The following NSUN6 variants were observed in gnomAD, a reference collection of about 807,000 sequenced individuals.
The protein encoded by NSUN6 is tRNA (cytosine(72)-C(5))-methyltransferase NSUN6.
In NSUN6, 64 loss-of-function variants were observed where a neutral mutation model predicts 58.0. The ratio of observed to expected loss-of-function variants is 1.10; its 90% CI spans 0.90 to 1.36. The LOEUF (loss-of-function observed/expected upper bound fraction) is 1.36, where lower values mean the gene tolerates loss of function less well. Among genes scored for constraint, NSUN6 ranks in the 40% most tolerant of loss-of-function variants. The probability of loss-of-function intolerance (pLI) is 0.00; values close to 1 mark genes in which losing one functional copy is unlikely to be tolerated. For missense variants in NSUN6, 701 were observed against 550.1 expected (o/e 1.27, Z -2.74); for synonymous variants, 231 against 193.9 (o/e 1.19, Z -1.59).
chr10:18,548,606 A>C (rs1415924299), intron 9 of NSUN6, among the ~76,000 whole-genome samples: 1 of 152,004 alleles, frequency 6.6e-6, no homozygotes, highest in East Asian at 1.9e-4. Context: ...TTTCTTTTTT[A>C]TTCTTATTTT....
chr10:18,555,129 A>T (rs2054893212), intron 8 of NSUN6, among the ~76,000 whole-genome samples: 1 of 150,086 alleles, frequency 6.7e-6, no homozygotes, highest in Non-Finnish European at 1.5e-5. Context: ...GGAAATGGAG[A>T]ATGTAATGTA....
chr10:18,577,498 T>C (rs917483222), intron 8 of NSUN6, among the ~76,000 whole-genome samples: 10 of 152,152 alleles, frequency 6.6e-5, no homozygotes, highest in South Asian at 6.2e-4. Flanking sequence ...CAGAGGCTCA[T>C]AGAAATGGCA....
Position 18,593,833 on chromosome 10 carries a change from C to A in NSUN6, c.777+2375G>T, listed in dbSNP as rs535648473. 2.0e-5 allele frequency among the ~76,000 whole-genome samples: 3 copies of A among 150,562 alleles called. No individual in the cohort carries two copies. The East Asian group carries it at 5.9e-4, about 29-fold the overall frequency. On this transcript the variant is annotated intron_variant, in intron 7 of 10. Coordinates refer to ENST00000377304, the MANE Select transcript of NSUN6 (RefSeq NM_182543.5). ...GGCACATGTATACCTATGTAACAAA[C>A]CTGCACATTCTGCAGGTGTATTGCA...
intron 8 of NSUN6, among the ~76,000 whole-genome samples, chr10:18,555,543 CATGGAATGGAATAGAGA>C: frequency 8.5e-6 from 1 of 117,720 alleles, no homozygotes; most frequent in South Asian, 2.7e-4. Flanking sequence ...ATGAAGGCAG[CATGGAATGGAATAGAGA>C]ATGGAATGGA....
intron 3 of NSUN6, among the ~76,000 whole-genome samples, chr10:18,633,945 T>A (rs1343580217): frequency 2.0e-5 from 3 of 152,204 alleles, no homozygotes; most frequent in African/African-American, 4.8e-5. Context: ...GGACTACAGA[T>A]GAGCCAGCAG....
At chr10:18,612,068 T>C (rs542181817) in intron 5 of NSUN6, among the ~76,000 whole-genome samples, 2 of 152,190 alleles carry the variant, frequency 1.3e-5, no homozygotes, top group African/African-American at 4.8e-5. Context: ...AAATATCCCC[T>C]GCTCCTGAGC....
intron 10 of NSUN6, 30 bp from the exon 11 acceptor site, chr10:18,546,175 G>C (rs2054247731): frequency 7.0e-7 from 1 of 1,431,176 alleles, no homozygotes; most frequent in African/African-American, 1.4e-5. Flanking sequence ...CAATATGGAT[G>C]AACATCCTGT....
chr10:18,591,475 A>ATT (rs2131165921), intron 7 of NSUN6, among the ~76,000 whole-genome samples: 1 of 152,332 alleles, frequency 6.6e-6, no homozygotes, highest in Non-Finnish European at 1.5e-5. Flanking sequence ...ATCCTCAATA[A>ATT]AATATTGGCA....
At chr10:18,642,226 A>G (rs10829067) in intron 3 of NSUN6, among the ~76,000 whole-genome samples, 30,511 of 150,720 alleles carry the variant, frequency 0.2, 3,238 homozygotes, top group East Asian at 0.33. Context: ...TGGGGGGGGG[A>G]AAACATCACT....
chr10:18,581,499 C>T (rs1462267068), intron 8 of NSUN6, among the ~76,000 whole-genome samples: 1 of 152,062 alleles, frequency 6.6e-6, no homozygotes, highest in African/African-American at 2.4e-5. Context: ...TACTCTATCC[C>T]TTGTTTAGCA....
intron 8 of NSUN6, among the ~76,000 whole-genome samples, chr10:18,574,293 T>C (rs926735887): frequency 6.6e-6 from 1 of 152,088 alleles, no homozygotes; most frequent in African/African-American, 2.4e-5. Flanking sequence ...TAGAACTACG[T>C]TAACCAGAGA....
intron 1 of NSUN6, among the ~76,000 whole-genome samples, chr10:18,648,955 C>A (rs548944263): frequency 2.2e-4 from 33 of 152,214 alleles, no homozygotes; most frequent in Middle Eastern, 6.8e-3. Flanking sequence ...CACATAAATT[C>A]AGGAATTCAG....
At chr10:18,628,059 C>G (rs1384427018) in intron 3 of NSUN6, among the ~76,000 whole-genome samples, 1 of 152,182 alleles carries the variant, frequency 6.6e-6, no homozygotes, top group African/African-American at 2.4e-5. Context: ...AGCTGGAGAT[C>G]TGAGAACGGG....
At chr10:18,654,918 G>T, upstream of NSUN6, 1 of 200,178 alleles carries the variant, frequency 5.0e-6, no homozygotes, top group Non-Finnish European at 8.9e-6. Flanking sequence ...AAAGTAAAGG[G>T]AAGAATGAAT....
At chr10:18,628,861 C>A (rs1264734084) in intron 3 of NSUN6, among the ~76,000 whole-genome samples, 2 of 152,140 alleles carry the variant, frequency 1.3e-5, no homozygotes. Context: ...CTTCCCCACT[C>A]TAGCAAGGCA....
intron 8 of NSUN6, among the ~76,000 whole-genome samples, chr10:18,573,086 C>T (rs1235499110): frequency 2.0e-5 from 3 of 151,426 alleles, no homozygotes; most frequent in Non-Finnish European, 3.0e-5. Context: ...CCGTTCCACT[C>T]CATTCCATTC....
At chr10:18,625,779 CA>C (rs567632324) in intron 3 of NSUN6, among the ~76,000 whole-genome samples, 318 of 116,710 alleles carry the variant, frequency 2.7e-3, no homozygotes, top group Middle Eastern at 5.9e-3. Context: ...TAATCAAAAT[CA>C]AGCATTACAC....
Position 18,651,298 on chromosome 10 carries a change from A to C in NSUN6, c.-95T>G. On this transcript the variant is annotated 5_prime_UTR_variant, in exon 1 of 11. Coordinates refer to ENST00000377304, the MANE Select transcript of NSUN6 (RefSeq NM_182543.5). ...CGAATTAATAGTGACGAGTGTCTTG[A>C]CACCAGATGCTGAGGAAAATCTTGC... 4.9e-6 allele frequency: 7 copies of C among 1,442,582 alleles called. No individual in the cohort carries two copies. The highest frequency in any genetic ancestry group is 6.3e-6 in the Non-Finnish European group (7 of 1,103,912). The allele number at this position is 1,442,582 out of a possible 1,614,324, so 89.4% of individuals were successfully genotyped here. A position where few individuals can be genotyped will look rare whatever the true frequency, so the allele number is the denominator to read the frequency against.
At chr10:18,556,101 G>C (rs1195270781) in intron 8 of NSUN6, among the ~76,000 whole-genome samples, 2 of 150,102 alleles carry the variant, frequency 1.3e-5, no homozygotes, top group African/African-American at 4.9e-5. Context: ...GGAATGGAAT[G>C]GAGAATAGAA....
Sources: gnomAD v4.1 joint callset for allele counts (sites outside exome capture counted in the v4.1 genomes callset) on GRCh38, gnomAD v4.1.1 for gene constraint, MANE v1.5 for transcripts, NCBI Gene and HGNC (gene_info 2026-07-23, HGNC 2026-07-21) for gene names.